The following MTA3 variants were observed in gnomAD, a reference collection of about 807,000 sequenced individuals.
MTA3 encodes metastasis-associated protein MTA3.
In MTA3, 34 loss-of-function variants were observed where a neutral mutation model predicts 83.5. The observed-to-expected ratio is 0.41, with a 90% confidence interval of 0.31 to 0.54. MTA3 has a LOEUF of 0.54. MTA3 is among the 20% of genes least tolerant of loss of function. The probability of loss-of-function intolerance (pLI) is 0.33; values close to 1 mark genes in which losing one functional copy is unlikely to be tolerated. For missense variants in MTA3, 761 were observed against 726.4 expected, an observed-to-expected ratio of 1.05 and a Z score of -0.55; for synonymous variants, 303 against 252.7, an observed-to-expected ratio of 1.20 and a Z score of -1.89.
At chr2:42,560,425 G>T (rs1054789077) in intron 2 of MTA3, among the ~76,000 whole-genome samples, 3 of 151,752 alleles carry the variant, frequency 2.0e-5, no homozygotes, top group African/African-American at 2.4e-5. Context: ...TGGATCACTT[G>T]AGGTCAGGAG....
intron 2 of MTA3, among the ~76,000 whole-genome samples, chr2:42,538,107 C>A (rs1676335065): frequency 6.6e-6 from 1 of 152,020 alleles, no homozygotes. Flanking sequence ...GTGGCGGGCA[C>A]CTGTAGTCCC....
At chr2:42,704,339 C>A in intron 12 of MTA3, 21 bp downstream of exon 12, 1 of 1,612,844 alleles carries the variant, frequency 6.2e-7, no homozygotes, top group South Asian at 1.1e-5. Flanking sequence ...TCTAGCAGGT[C>A]AGTTAAGCAT....
In MTA3 at chr2:42,547,462, C is replaced by T. The variant is rs1467832990; in HGVS notation, c.-140-22975C>T. On this transcript the variant is annotated intron_variant, in intron 2 of 17. Coordinates refer to the MTA3 transcript ENST00000405592. ...CGTGCCTCAGCCTCGTAAGTAGTAGCTGGGATTACAGGCACGCGCCAACGC... is the reference window on the plus strand; with the variant it reads ...CGTGCCTCAGCCTCGTAAGTAGTAGTTGGGATTACAGGCACGCGCCAACGC... Among the ~76,000 whole-genome samples, 3 of 152,246 alleles carry T rather than the reference C, an allele frequency of 2.0e-5. 1 individual carries two copies. Among genetic ancestry groups the T allele is most frequent in the African/African-American group, 7.2e-5 (3 of 41,472 alleles).
At chr2:42,715,189 G>A (rs984277642) in intron 14 of MTA3, among the ~76,000 whole-genome samples, 3 of 152,174 alleles carry the variant, frequency 2.0e-5, no homozygotes, top group Admixed American at 2.0e-4. Flanking sequence ...ACAAGTGGCA[G>A]CATTGTTGGC....
chr2:42,673,651 A>G (rs1411411995), intron 8 of MTA3, among the ~76,000 whole-genome samples: 1 of 152,282 alleles, frequency 6.6e-6, no homozygotes, highest in East Asian at 1.9e-4. Context: ...TTGTGGAATA[A>G]AAGGCAAGGA....
At chr2:42,576,688 A>G (rs1679062958) in intron 2 of MTA3, among the ~76,000 whole-genome samples, 1 of 152,088 alleles carries the variant, frequency 6.6e-6, no homozygotes, top group South Asian at 2.1e-4. Context: ...ATCACCTGAG[A>G]GGAGTCTGAG....
chr2:42,630,580 T>C (rs1437613173), intron 4 of MTA3, among the ~76,000 whole-genome samples: 3 of 152,224 alleles, frequency 2.0e-5, no homozygotes, highest in Non-Finnish European at 2.9e-5. Flanking sequence ...TAGGTCCATA[T>C]TGGATCATAA....
chr2:42,607,249 A>C (rs1027717649), intron 3 of MTA3, among the ~76,000 whole-genome samples: 1 of 152,158 alleles, frequency 6.6e-6, no homozygotes, highest in Non-Finnish European at 1.5e-5. Flanking sequence ...TTAACTGTAG[A>C]GTAGAGCAAA....
chr2:42,663,093 T>A (rs1689883368), intron 8 of MTA3, among the ~76,000 whole-genome samples: 1 of 152,238 alleles, frequency 6.6e-6, no homozygotes, highest in Non-Finnish European at 1.5e-5. Flanking sequence ...TTGCATGATC[T>A]TATATAGGTA....
chr2:42,707,435 G>C (rs1666199396), intron 12 of MTA3, among the ~76,000 whole-genome samples: 1 of 152,028 alleles, frequency 6.6e-6, no homozygotes. Context: ...TTTCAGTAGA[G>C]ACGGGGTTTC....
chr2:42,575,954 A>C (rs988330475), intron 2 of MTA3, among the ~76,000 whole-genome samples: 5 of 152,138 alleles, frequency 3.3e-5, no homozygotes, highest in African/African-American at 1.2e-4. Flanking sequence ...GTGTTGTGAG[A>C]GATGGGATTC....
intron 3 of MTA3, among the ~76,000 whole-genome samples, chr2:42,594,005 G>A (rs573509328): frequency 2.0e-5 from 3 of 148,280 alleles, no homozygotes; most frequent in Non-Finnish European, 3.0e-5. Flanking sequence ...AGGCTAGAGT[G>A]CAGTGGTGTG....
intron 6 of MTA3, among the ~76,000 whole-genome samples, chr2:42,649,398 G>T (rs754973761): frequency 1.1e-4 from 16 of 151,226 alleles, no homozygotes; most frequent in Non-Finnish European, 2.2e-4. Flanking sequence ...GGGTGACAGA[G>T]TGTGACTCCC....
intron 4 of MTA3, among the ~76,000 whole-genome samples, chr2:42,619,015 G>A (rs964428458): frequency 2.0e-5 from 3 of 152,172 alleles, no homozygotes; most frequent in Admixed American, 2.0e-4. Flanking sequence ...TGCCTCTCAT[G>A]TTAAGTAATG....
chr2:42,543,154 T>C (rs1676597111), intron 2 of MTA3, among the ~76,000 whole-genome samples: 1 of 152,050 alleles, frequency 6.6e-6, no homozygotes. Context: ...TTGCTGGAAT[T>C]CAGGATCTGA....
chr2:42,639,259 A>G (rs1037926163), intron 4 of MTA3, among the ~76,000 whole-genome samples: 4 of 151,832 alleles, frequency 2.6e-5, no homozygotes, highest in African/African-American at 4.8e-5. Context: ...TATATGTGAT[A>G]TATTTGTTTT....
At chr2:42,555,252 C>T (rs558232055) in intron 2 of MTA3, among the ~76,000 whole-genome samples, 5 of 151,258 alleles carry the variant, frequency 3.3e-5, no homozygotes, top group South Asian at 2.1e-4. Flanking sequence ...TAACTGAGGT[C>T]GGGAGTTCGA....
intron 2 of MTA3, among the ~76,000 whole-genome samples, chr2:42,534,658 A>G (rs1676136956): frequency 6.6e-6 from 1 of 152,224 alleles, no homozygotes; most frequent in African/African-American, 2.4e-5. Context: ...ACACTGGCAT[A>G]AACAACTCAG....
At chr2:42,734,383 T>TAA (rs1491153935) in intron 16 of MTA3, among the ~76,000 whole-genome samples, 11 of 31,360 alleles carry the variant, frequency 3.5e-4, no homozygotes, top group African/African-American at 2.4e-3. Flanking sequence ...TTGCATGGAA[T>TAA]TTTTTTTTTT....
Sources: allele counts gnomAD v4.1 joint callset (sites outside exome capture counted in the v4.1 genomes callset), GRCh38; gene constraint gnomAD v4.1.1; transcripts MANE v1.5; gene names NCBI Gene and HGNC (gene_info 2026-07-23, HGNC 2026-07-21).